Variants in BOLL observed in about 807,000 individuals in gnomAD.
The protein encoded by BOLL is boule RNA binding protein, also known as protein boule-like.
A neutral mutation model predicts 44.4 loss-of-function variants in BOLL; 23 were observed. That is an observed-to-expected ratio of 0.52 (90% CI 0.37 to 0.73). The LOEUF (loss-of-function observed/expected upper bound fraction) is 0.73. Among genes scored for constraint, BOLL ranks in the 30% least tolerant of loss-of-function variants. BOLL has a pLI of 0.00. For synonymous variants in BOLL, 97 were observed against 110.8 expected (o/e 0.88, Z 0.78); for missense variants, 287 against 338.3 (o/e 0.85, Z 1.19).
In BOLL at chr2:197,729,286, A is replaced by G. The variant is rs112806160; in HGVS notation, c.829-708T>C. On this transcript the variant is annotated intron_variant, in intron 10 of 10. Coordinates refer to ENST00000392296, the MANE Select transcript of BOLL (RefSeq NM_033030.6). ...TTAAAAAACGGCGCACCACGAGATT[A>G]TATCTCGCACCTGGCTCGGAGGGTC... is the stretch of plus-strand genomic sequence containing the variant. 6.1e-3 allele frequency among the ~76,000 whole-genome samples: 922 copies of G among 152,326 alleles called. 16 individuals carry two copies. Among genetic ancestry groups the G allele is most frequent in the African/African-American group, 0.021 (862 of 41,566 alleles).
At chr2:197,729,127 GCA>G (rs1687002915) in intron 10 of BOLL, among the ~76,000 whole-genome samples, 1 of 152,240 alleles carries the variant, frequency 6.6e-6, no homozygotes, top group African/African-American at 2.4e-5. Flanking sequence ...TGCACCGTGC[GCA>G]AGCTGAAGCA....
intron 6 of BOLL, among the ~76,000 whole-genome samples, chr2:197,769,719 G>A (rs1478511206): frequency 6.6e-6 from 1 of 152,058 alleles, no homozygotes; most frequent in Non-Finnish European, 1.5e-5. Context: ...GACAAACAGA[G>A]AGCCAAACCA....
At chr2:197,732,553 A>C (rs1251556354) in intron 10 of BOLL, among the ~76,000 whole-genome samples, 2 of 151,404 alleles carry the variant, frequency 1.3e-5, no homozygotes, top group East Asian at 1.9e-4. Context: ...TTGATGCAAA[A>C]ATCCTCAATA....
At chr2:197,785,430 A>G, upstream of BOLL, 1 of 969,866 alleles carries the variant, frequency 1.0e-6, no homozygotes, top group African/African-American at 1.8e-5. This position sits in a 1 kb window ranked among gnomAD's most constrained non-coding sequence, Gnocchi z 6.7. Context: ...GTCCTCCTTC[A>G]CTTCCCCAAG....
chr2:197,766,435 A>T, intron 7 of BOLL, 97 bp downstream of exon 7: 1 of 1,006,280 alleles, frequency 9.9e-7, no homozygotes, highest in Non-Finnish European at 1.5e-6. Context: ...ATCTCTTTGT[A>T]ATTAGCAAAG....
At chr2:197,731,676 A>C (rs1310659077) in intron 10 of BOLL, among the ~76,000 whole-genome samples, 1 of 151,830 alleles carries the variant, frequency 6.6e-6, no homozygotes, top group Non-Finnish European at 1.5e-5. Context: ...AAAACTGCTC[A>C]AATACATGGA....
intron 9 of BOLL, among the ~76,000 whole-genome samples, chr2:197,746,487 G>T (rs1687990140): frequency 1.3e-5 from 2 of 152,180 alleles, no homozygotes; most frequent in African/African-American, 4.8e-5. Flanking sequence ...AGGAGATCCT[G>T]TCATTTATGA....
intron 10 of BOLL, 92 bp downstream of exon 10, chr2:197,742,969 A>T: frequency 1.1e-6 from 1 of 915,074 alleles, no homozygotes. Flanking sequence ...TGATGTAAAT[A>T]TCCAAAATTG....
chr2:197,749,197 A>G lies in BOLL; in HGVS notation c.730-6038T>C, dbSNP rs372146469. On this transcript the variant is annotated intron_variant, in intron 9 of 10. Coordinates refer to ENST00000392296, the MANE Select transcript of BOLL (RefSeq NM_033030.6). ...ACAGAAAGCAATAACATCAACATCA[A>G]CAAAAAGGACATCCACGCAAAAACC... is the stretch of plus-strand genomic sequence containing the variant. Among the ~76,000 whole-genome samples the G allele has an allele frequency of 3.3e-5, 5 of 152,340 alleles. No homozygotes were observed. In the East Asian group the frequency reaches 9.6e-4, roughly 29 times the overall value.
At position 197,743,105 on chromosome 2, in the gene BOLL, C is replaced by T; in HGVS notation, c.784G>A (p.Ala262Thr). The T allele has an allele frequency of 6.2e-7, 1 of 1,605,498 alleles. No homozygotes were observed. Among genetic ancestry groups the T allele is most frequent in the Admixed American group, 1.7e-5 (1 of 58,358 alleles). ...ATYHQVYAPS[A>T]ITMPAPVMQP... is the part of the protein sequence containing the mutation. ...ATCACAGGCGCAGGCATAGTGATGG[C>T]ACTTGGAGCATAAACCTGGTGATAT... The change falls in exon 10 of 11, where the codon GCC (alanine) becomes ACC (threonine). Residue 262 changes from alanine (A) to threonine (T), a missense_variant. By Grantham distance (58) the Ala-to-Thr change is moderately conservative. Coordinates refer to ENST00000392296, the MANE Select transcript of BOLL (RefSeq NM_033030.6).
At chr2:197,729,100 G>A (rs1180826063) in intron 10 of BOLL, among the ~76,000 whole-genome samples, 5 of 152,158 alleles carry the variant, frequency 3.3e-5, no homozygotes, top group African/African-American at 7.2e-5. Flanking sequence ...GACAGTGGGC[G>A]CAGGTCAGTG....
chr2:197,753,729 G>A (rs990399966), intron 9 of BOLL, among the ~76,000 whole-genome samples: 16 of 152,158 alleles, frequency 1.1e-4, no homozygotes, highest in Non-Finnish European at 2.1e-4. Context: ...ACAGTGTGGC[G>A]ATTCCTCAAG....
At chr2:197,734,245 A>T (rs564974615) in intron 10 of BOLL, among the ~76,000 whole-genome samples, 1 of 151,942 alleles carries the variant, frequency 6.6e-6, no homozygotes, top group East Asian at 1.9e-4. Flanking sequence ...GAGAAATGCA[A>T]ATCAAAACCA....
chr2:197,748,401 G>C (rs1688083962), intron 9 of BOLL, among the ~76,000 whole-genome samples: 1 of 152,202 alleles, frequency 6.6e-6, no homozygotes, highest in Non-Finnish European at 1.5e-5. Context: ...CACTCTCCTG[G>C]AAAGGGAGCT....
intron 4 of BOLL, among the ~76,000 whole-genome samples, chr2:197,776,102 C>T (rs1689496947): frequency 6.6e-6 from 1 of 151,078 alleles, no homozygotes; most frequent in African/African-American, 2.4e-5. Context: ...CGCATGCTCC[C>T]AGTTGAGGTC....
chr2:197,767,755 A>T (rs1689058722), intron 6 of BOLL, among the ~76,000 whole-genome samples: 1 of 151,962 alleles, frequency 6.6e-6, no homozygotes, highest in Non-Finnish European at 1.5e-5. Context: ...TCTGGCTCAA[A>T]ATGTCAACAG....
rs115781588 is a variant in BOLL, at chr2:197,736,903, A to G, written c.828+6158T>C. On this transcript the variant is annotated intron_variant, in intron 10 of 10. Coordinates refer to ENST00000392296, the MANE Select transcript of BOLL (RefSeq NM_033030.6). ...TCTCTCTATTCTAGCATTTTATCTC[A>G]TCATTTAATCTTTCATGTTATTTTC... is the stretch of plus-strand genomic sequence containing the variant. 4.0e-3 allele frequency among the ~76,000 whole-genome samples: 612 copies of G among 152,100 alleles called. 3 individuals are homozygous for G. The highest frequency in any genetic ancestry group is 0.014 in the African/African-American group (589 of 41,510).
At chr2:197,729,611 G>C (rs1458904230) in intron 10 of BOLL, among the ~76,000 whole-genome samples, 2 of 152,172 alleles carry the variant, frequency 1.3e-5, no homozygotes, top group Non-Finnish European at 2.9e-5. Flanking sequence ...TGCAGCTGGA[G>C]ATCTGAGAAC....
At chr2:197,731,446 G>C (rs977817364) in intron 10 of BOLL, among the ~76,000 whole-genome samples, 6 of 145,780 alleles carry the variant, frequency 4.1e-5, no homozygotes, top group South Asian at 2.3e-4. Flanking sequence ...ATTGAACTCA[G>C]CTCTGCACCA....
Sources: allele counts gnomAD v4.1 joint callset (sites outside exome capture counted in the v4.1 genomes callset), GRCh38; gene constraint gnomAD v4.1.1; non-coding constraint Gnocchi (gnomAD v3.1); transcripts MANE v1.5; gene names NCBI Gene and HGNC (gene_info 2026-07-23, HGNC 2026-07-21).